ASTN2: variants seen among roughly 807,000 people sequenced by gnomAD.
ASTN2 encodes astrotactin 2, also known as astrotactin-2.
Under a neutral mutation model 139.8 loss-of-function variants are expected in ASTN2, and 54 were observed. The ratio of observed to expected loss-of-function variants is 0.39; its 90% CI spans 0.31 to 0.48. ASTN2 has a LOEUF of 0.48. Among genes scored for constraint, ASTN2 ranks in the 20% least tolerant of loss-of-function variants. The pLI is 0.95. For missense variants in ASTN2, 1,565 were observed against 1,725.1 expected (o/e 0.91, Z 1.64); for synonymous variants, 756 against 719.5 (o/e 1.05, Z -0.81).
chr9:117,309,348 A>G (rs933381239), intron 1 of ASTN2, among the ~76,000 whole-genome samples: 1 of 152,244 alleles, frequency 6.6e-6, no homozygotes, highest in Non-Finnish European at 1.5e-5. Flanking sequence ...ACCTTAAGAG[A>G]GAATCTAGAC....
chr9:116,947,496 A>G (rs1403478034), intron 10 of ASTN2, among the ~76,000 whole-genome samples: 1 of 152,122 alleles, frequency 6.6e-6, no homozygotes, highest in African/African-American at 2.4e-5. Flanking sequence ...CCAGATCTGT[A>G]TACTCCCTCC....
At chr9:117,030,289 G>A (rs746642481) in intron 6 of ASTN2, among the ~76,000 whole-genome samples, 25 of 152,242 alleles carry the variant, frequency 1.6e-4, no homozygotes, top group Non-Finnish European at 2.5e-4. Context: ...CTCTCTTTCC[G>A]TTCTAAAAGT....
chr9:117,225,535 G>GTATATATATGTGTATATATA (rs1554793419), intron 2 of ASTN2, among the ~76,000 whole-genome samples: 1 of 63,922 alleles, frequency 1.6e-5, no homozygotes, highest in East Asian at 2.5e-3. Flanking sequence ...CAAGCTGTAT[G>GTATATATATGTGTATATATA]TATATATATA....
At position 116,524,563 on chromosome 9, in the gene ASTN2, C is replaced by A. The variant is rs539755901; in HGVS notation, c.3356-37063G>T. On this transcript the variant is annotated intron_variant, in intron 19 of 22. Coordinates refer to ENST00000313400, the MANE Select transcript of ASTN2 (RefSeq NM_001365068.1). ...AGCTTTCCTGCTCTGAGTTGAATGA[C>A]CCTTAAACTCTCTGAGTCTCAGTTT... 4.6e-5 allele frequency among the ~76,000 whole-genome samples: 7 copies of A among 152,278 alleles called. No homozygotes were observed. The South Asian group carries it at 1.5e-3, about 32-fold the overall frequency.
chr9:116,811,129 C>A (rs772704656), intron 12 of ASTN2, among the ~76,000 whole-genome samples: 47 of 151,958 alleles, frequency 3.1e-4, no homozygotes, highest in Non-Finnish European at 3.8e-4. Context: ...GGTGAGCTCC[C>A]TTTTTTCTTT....
In ASTN2 at chr9:117,135,844, G is replaced by A. The variant is rs551666199; in HGVS notation, c.1168+5482C>T. Among the ~76,000 whole-genome samples, 3 of 152,238 alleles carry A rather than the reference G, an allele frequency of 2.0e-5. No homozygotes were observed. The South Asian group carries it at 6.2e-4, about 32-fold the overall frequency. ...GGAAAGGGCCTTTCAGGAAGAATAT[G>A]ATCAGCACTCGGACCTAGAAAGCAA... On this transcript the variant is annotated intron_variant, in intron 4 of 22. Coordinates refer to ENST00000313400, the MANE Select transcript of ASTN2 (RefSeq NM_001365068.1).
At chr9:117,303,723 C>G (rs1834931900) in intron 1 of ASTN2, among the ~76,000 whole-genome samples, 1 of 152,184 alleles carries the variant, frequency 6.6e-6, no homozygotes, top group African/African-American at 2.4e-5. Context: ...ACTACACAAA[C>G]AGTCAACAGC....
At chr9:116,817,571 A>G (rs994667347) in intron 12 of ASTN2, among the ~76,000 whole-genome samples, 1 of 152,174 alleles carries the variant, frequency 6.6e-6, no homozygotes, top group South Asian at 2.1e-4. Context: ...CTAGCTGGAA[A>G]TGAAACTGGA....
chr9:116,515,596 G>A (rs1398246355), intron 19 of ASTN2, among the ~76,000 whole-genome samples: 2 of 152,058 alleles, frequency 1.3e-5, no homozygotes, highest in Non-Finnish European at 2.9e-5. Flanking sequence ...TGCCATATAG[G>A]GATACACTCT....
chr9:117,401,945 GA>G (rs1830841416), intron 1 of ASTN2, among the ~76,000 whole-genome samples: 1 of 152,172 alleles, frequency 6.6e-6, no homozygotes, highest in African/African-American at 2.4e-5. Context: ...ATGGCATAAA[GA>G]AAGGACAGAG....
intron 11 of ASTN2, among the ~76,000 whole-genome samples, chr9:116,862,244 G>T (rs1192773456): frequency 6.6e-6 from 1 of 152,142 alleles, no homozygotes; most frequent in Non-Finnish European, 1.5e-5. Context: ...AGAGAGCCTA[G>T]TCCAGAGCAG....
At chr9:117,185,439 G>C (rs1831172857) in intron 3 of ASTN2, among the ~76,000 whole-genome samples, 1 of 152,192 alleles carries the variant, frequency 6.6e-6, no homozygotes, top group Admixed American at 6.5e-5. Flanking sequence ...ACAGATGCGT[G>C]CTTTAGTAAA....
chr9:116,578,988 A>G (rs1234070848), intron 19 of ASTN2: 1 of 152,114 alleles, frequency 6.6e-6, no homozygotes, highest in Non-Finnish European at 1.5e-5. Flanking sequence ...AAGTGTCCAC[A>G]TTCACAGGTA....
At chr9:116,459,508 A>G (rs942207149) in intron 20 of ASTN2, among the ~76,000 whole-genome samples, 4 of 152,096 alleles carry the variant, frequency 2.6e-5, no homozygotes, top group African/African-American at 9.6e-5. Flanking sequence ...TACAGATTTC[A>G]TATCTCATAA....
chr9:116,531,559 C>A (rs1000493904), intron 19 of ASTN2, among the ~76,000 whole-genome samples: 6 of 143,206 alleles, frequency 4.2e-5, no homozygotes, highest in African/African-American at 1.5e-4. Context: ...TATTCCCCTT[C>A]CTGTGTCCAA....
Position 116,976,009 on chromosome 9 carries a change from C to T in ASTN2, c.1751+105G>A, listed in dbSNP as rs111829277. 4,455 of 1,087,658 alleles carry T rather than the reference C, an allele frequency of 4.1e-3. 124 individuals carry two copies. The African/African-American group carries it at 0.06, about 15-fold the overall frequency. 67.4% of individuals were successfully genotyped at this position (1,087,658 alleles called of 1,614,324 possible). A position where few individuals can be genotyped will look rare whatever the true frequency, so the allele number is the denominator to read the frequency against. ...GAGAGTTCTTTTGTACTCAGTGCAG[C>T]TCAGAAGTGCACAGGCTCAATAGTC... On this transcript the variant is annotated intron_variant, in intron 9 of 22. Transcript: ENST00000313400.
At chr9:116,960,958 A>G (rs1835859245) in intron 10 of ASTN2, among the ~76,000 whole-genome samples, 1 of 152,044 alleles carries the variant, frequency 6.6e-6, no homozygotes, top group Non-Finnish European at 1.5e-5. Context: ...CCCCATTTCA[A>G]TACAGTTAAC....
chr9:117,193,769 A>C (rs568041679), intron 3 of ASTN2, among the ~76,000 whole-genome samples: 2 of 152,316 alleles, frequency 1.3e-5, no homozygotes, highest in African/African-American at 4.8e-5. Flanking sequence ...TTTTGTTAAA[A>C]CAATTCTGCC....
intron 14 of ASTN2, 94 bp from the exon 15 acceptor site, chr9:116,729,190 C>T: frequency 1.1e-6 from 1 of 948,032 alleles, no homozygotes; most frequent in Admixed American, 2.4e-5. Context: ...GGGAAACAGA[C>T]ACCTCTTTGA....
Sources: allele counts gnomAD v4.1 joint callset (sites outside exome capture counted in the v4.1 genomes callset), GRCh38; gene constraint gnomAD v4.1.1; transcripts MANE v1.5; gene names NCBI Gene and HGNC (gene_info 2026-07-23, HGNC 2026-07-21).